Variants in WAS observed in about 807,000 individuals in gnomAD.
The protein encoded by WAS is WASP actin nucleation promoting factor.
Under a neutral mutation model 38.9 loss-of-function variants are expected in WAS, and 1 was observed. The ratio of observed to expected loss-of-function variants is 0.03; its 90% CI spans 0.01 to 0.12. The LOEUF is 0.12. Among genes scored for constraint, WAS ranks in the 10% least tolerant of loss-of-function variants. The pLI is 1.00. For missense variants in WAS, 311 were observed against 431.2 expected (o/e 0.72, Z 2.47); for synonymous variants, 182 against 173.6 (o/e 1.05, Z -0.38).
upstream of WAS, among the ~76,000 whole-genome samples, chrX:48,679,570 G>A (rs141403215): frequency 1.8e-3 from 203 of 110,806 alleles, no homozygotes; most frequent in African/African-American, 6.5e-3. Flanking sequence ...GAATGCTTGA[G>A]CCCAGGAGAT....
At chrX:48,691,031 C>A in intron 11 of WAS, 76 bp from the exon 12 acceptor site, 1 of 967,215 alleles carries the variant, frequency 1.0e-6, no homozygotes. Flanking sequence ...ACCCCAGGGT[C>A]CAGTCCTCAC....
At chrX:48,686,252 T>C in intron 6 of WAS, 118 bp downstream of exon 6, 1 of 881,421 alleles carries the variant, frequency 1.1e-6, no homozygotes. Flanking sequence ...GGTATGTGGA[T>C]GGACGAGCAG....
intron 1 of WAS, among the ~76,000 whole-genome samples, chrX:48,677,142 G>C (rs1385238247): frequency 9.0e-5 from 10 of 111,688 alleles, no homozygotes; most frequent in Admixed American, 7.5e-4. Flanking sequence ...CGGGGAGTAG[G>C]GCGGGGTCTC....
upstream of WAS, among the ~76,000 whole-genome samples, chrX:48,683,580 T>C (rs1370490934): frequency 9.1e-6 from 1 of 110,456 alleles, no homozygotes; most frequent in African/African-American, 3.3e-5. Flanking sequence ...CAGAAGGAGA[T>C]GGGCCCCAGA....
At chrX:48,684,057 T>C in intron 1 of WAS, 72 bp downstream of exon 1, 2 of 1,152,833 alleles carry the variant, frequency 1.7e-6, no homozygotes, top group Non-Finnish European at 2.4e-6. Context: ...TTCTCTCTCT[T>C]CCCCTCCTCC....
chrX:48,688,685 A>T lies in WAS; in HGVS notation c.957A>T (p.Pro319=). 1 of 1,193,820 alleles carries T rather than the reference A, an allele frequency of 8.4e-7. No individual in the cohort carries two copies. Among genetic ancestry groups the T allele is most frequent in the South Asian group, 1.8e-5 (1 of 55,099 alleles). ...AGCCACTTCCGCCGCCCCCACCGCC[A>T]TCTCGAGGAGGGAACCAGCTCCCCC... ...RQEPLPPPPP[P]SRGGNQLPRP... Residue 319 remains proline, a synonymous_variant, in exon 10 of 12, where the codon CCA becomes CCT. Transcript: ENST00000376701.
At chrX:48,682,858 G>A (rs1001656489), upstream of WAS, among the ~76,000 whole-genome samples, 3 of 105,727 alleles carry the variant, frequency 2.8e-5, no homozygotes, top group Non-Finnish European at 5.8e-5. Flanking sequence ...TCGTGCCACC[G>A]CACTCCAGCC....
Position 48,691,326 on chromosome X carries a change from C to T in WAS, c.*164C>T. 5 of 475,592 alleles carry T rather than the reference C, an allele frequency of 1.1e-5. No homozygotes were observed. In the South Asian group the frequency reaches 1.3e-4, roughly 12 times the overall value. 39.2% of individuals were successfully genotyped at this position (475,592 alleles called of 1,213,427 possible). A position where few individuals can be genotyped will look rare whatever the true frequency, so the allele number is the denominator to read the frequency against. ...TATCCCTGCCTGGTCCTCACACTCA[C>T]CCAACAATCCCAAGGCCCTTTTTAT... On this transcript the variant is annotated 3_prime_UTR_variant, in exon 12 of 12. Transcript: ENST00000376701.
upstream of WAS, among the ~76,000 whole-genome samples, chrX:48,679,358 T>C (rs925424087): frequency 1.8e-5 from 2 of 112,247 alleles, no homozygotes; most frequent in African/African-American, 6.5e-5. Flanking sequence ...TGTTTTGTTT[T>C]TTAGAGAAAA....
intron 2 of WAS, 103 bp downstream of exon 2, chrX:48,684,526 A>G (rs1170843525): frequency 7.7e-6 from 8 of 1,037,338 alleles, no homozygotes; most frequent in Non-Finnish European, 1.0e-5. Context: ...AGACCTGATC[A>G]GTGAATCCCT....
At position 48,683,890 on chromosome X, in the gene WAS, C is replaced by G; in HGVS notation, c.37C>G (p.Arg13Gly). The change falls in exon 1 of 12, where the codon CGA (arginine) becomes GGA (glycine). Residue 13 changes from arginine to glycine, a missense_variant. Coordinates refer to ENST00000376701, the MANE Select transcript of WAS (RefSeq NM_000377.3). ...GGPMGGRPGG[R>G]GAPAVQQNIP... ...CCCAATGGGAGGAAGGCCCGGGGGC[C>G]GAGGAGCACCAGCGGTTCAGCAGAA... The G allele has an allele frequency of 8.3e-7, 1 of 1,211,594 alleles. No homozygotes were observed. Among genetic ancestry groups the G allele is most frequent in the Non-Finnish European group, 1.1e-6 (1 of 895,419 alleles).
At chrX:48,684,087 C>T in intron 1 of WAS, 102 bp downstream of exon 1, 1 of 1,109,529 alleles carries the variant, frequency 9.0e-7, no homozygotes, top group South Asian at 1.9e-5. Context: ...TTTCCCTCTC[C>T]ATCATCTCCT....
rs1557007736 is a variant in WAS at position 48,691,194 on chromosome X, C to A, written c.*32C>A. ...GAGTTACTTGCTGCCCTGTGCTCCT[C>A]CCCGCAGGACATGGCTCCCCCTCCA... On this transcript the variant is annotated 3_prime_UTR_variant, in exon 12 of 12. Transcript: ENST00000376701. The A allele has an allele frequency of 1.7e-6, 2 of 1,194,048 alleles. No homozygotes were observed. The highest frequency in any genetic ancestry group is 2.3e-6 in the Non-Finnish European group (2 of 880,105).
rs1331040308 is a variant in WAS at position 48,685,937 on chromosome X, T to C, written c.464-9T>C. The C allele has an allele frequency of 8.3e-7, 1 of 1,210,033 alleles. No individual in the cohort carries two copies. The highest frequency in any genetic ancestry group is 1.1e-6 in the Non-Finnish European group (1 of 895,167). ...TCATGGTCCTGGCTCCCAATCCATC[T>C]ATCCACAGACAGACGCCAGCTACCC... On this transcript the variant is annotated splice_polypyrimidine_tract_variant and intron_variant, in intron 4 of 11. Transcript: ENST00000376701.
intron 8 of WAS, 100 bp downstream of exon 8, chrX:48,688,196 C>T: frequency 8.7e-7 from 1 of 1,151,886 alleles, no homozygotes; most frequent in Non-Finnish European, 1.2e-6. Flanking sequence ...CTTCCCACAC[C>T]CCTCTCAGAT....
chrX:48,683,675 G>A (rs1357989009), upstream of WAS: 26 of 633,614 alleles, frequency 4.1e-5, no homozygotes, highest in Admixed American at 7.9e-5. Context: ...ATCTGATGGC[G>A]GAGGGCCCAA....
intron 11 of WAS, among the ~76,000 whole-genome samples, chrX:48,690,196 C>T (rs1238685564): frequency 2.5e-4 from 28 of 110,795 alleles, no homozygotes; most frequent in African/African-American, 8.9e-4. Context: ...GCAATCATGG[C>T]TCAGTGCAGC....
At chrX:48,690,424 C>T (rs782175829) in intron 11 of WAS, among the ~76,000 whole-genome samples, 2 of 112,379 alleles carry the variant, frequency 1.8e-5, no homozygotes, top group African/African-American at 3.2e-5. Flanking sequence ...GCTGGGATTA[C>T]AGGCATGAGC....
intron 1 of WAS, among the ~76,000 whole-genome samples, chrX:48,677,088 G>A (rs2062392555): frequency 8.9e-6 from 1 of 111,818 alleles, no homozygotes; most frequent in African/African-American, 3.3e-5. Context: ...TCCCTGGTTG[G>A]TCCTGGTGGG....
Sources: gnomAD v4.1 joint callset for allele counts (sites outside exome capture counted in the v4.1 genomes callset) on GRCh38, gnomAD v4.1.1 for gene constraint, MANE v1.5 for transcripts, NCBI Gene and HGNC (gene_info 2026-07-23, HGNC 2026-07-21) for gene names.